RALGPS2: variants seen among roughly 807,000 people sequenced by gnomAD.
RALGPS2 encodes ras-specific guanine nucleotide-releasing factor RalGPS2.
A neutral mutation model predicts 86.8 loss-of-function variants in RALGPS2; 43 were observed. That is an observed-to-expected ratio of 0.50 (90% CI 0.39 to 0.64). The LOEUF (loss-of-function observed/expected upper bound fraction) is 0.64, where lower values mean the gene tolerates loss of function less well. Ranked by LOEUF, RALGPS2 falls within the 30% of genes least tolerant of loss-of-function variation. RALGPS2 has a pLI of 0.00. For synonymous variants in RALGPS2, 243 were observed against 231.3 expected, an observed-to-expected ratio of 1.05 and a Z score of -0.46; for missense variants, 536 against 694.6, an observed-to-expected ratio of 0.77 and a Z score of 2.57.
At chr1:178,783,416 A>C (rs1653491202) in intron 2 of RALGPS2, among the ~76,000 whole-genome samples, 1 of 152,228 alleles carries the variant, frequency 6.6e-6, no homozygotes, top group Admixed American at 6.5e-5. Flanking sequence ...GAACACCAGA[A>C]AGACAAGAGA....
intron 1 of RALGPS2, among the ~76,000 whole-genome samples, chr1:178,731,272 G>GTTTTCTTTTTTTTTTTTTTTT: frequency 1.7e-5 from 1 of 57,946 alleles, no homozygotes; most frequent in Non-Finnish European, 3.0e-5. Context: ...AGTTGTTTTG[G>GTTTTCTTTTTTTTTTTTTTTT]TTTTTTTTTT....
At chr1:178,740,611 A>G (rs1488162707) in intron 1 of RALGPS2, among the ~76,000 whole-genome samples, 1 of 152,234 alleles carries the variant, frequency 6.6e-6, no homozygotes, top group African/African-American at 2.4e-5. Flanking sequence ...TTTGGTAACT[A>G]TAAAAGAGTA....
chr1:178,849,121 G>A (rs1289179722), intron 8 of RALGPS2, among the ~76,000 whole-genome samples: 1 of 152,104 alleles, frequency 6.6e-6, no homozygotes, highest in Non-Finnish European at 1.5e-5. Context: ...AAAACCACGA[G>A]CTAGATATTC....
In RALGPS2 at chr1:178,892,131, A is replaced by G. The variant is rs1659737695; in HGVS notation, c.1248-99A>G. ...ATCCTTTTGTAAGATTTAGAAAGCT[A>G]TATTACAAGAAGAAACTATTATACT... On this transcript the variant is annotated intron_variant, in intron 14 of 19. Transcript: ENST00000367635. 4 of 1,048,906 alleles carry G rather than the reference A, an allele frequency of 3.8e-6. No individual in the cohort carries two copies. The East Asian group carries it at 7.8e-5, about 20-fold the overall frequency. The allele number at this position is 1,048,906 out of a possible 1,614,324, so 65.0% of individuals were successfully genotyped here.
At chr1:178,740,612 T>C (rs12131521) in intron 1 of RALGPS2, among the ~76,000 whole-genome samples, 6,134 of 152,256 alleles carry the variant, frequency 0.04, 147 homozygotes, top group Non-Finnish European at 0.057. Context: ...TTGGTAACTA[T>C]AAAAGAGTAG....
intron 1 of RALGPS2, chr1:178,746,903 C>G: frequency 8.9e-7 from 1 of 1,122,570 alleles, no homozygotes; most frequent in Non-Finnish European, 1.4e-6. Context: ...TATTCTGTTC[C>G]TATTGTATTT....
chr1:178,823,395 C>A (rs1229256789), intron 7 of RALGPS2, among the ~76,000 whole-genome samples: 24 of 152,082 alleles, frequency 1.6e-4, no homozygotes, highest in African/African-American at 5.8e-4. Context: ...TAACATTCTG[C>A]TGGGGAAGAA....
Position 178,834,682 on chromosome 1 carries a change from T to C in RALGPS2, c.607+1132T>C, listed in dbSNP as rs560962906. Among the ~76,000 whole-genome samples, 3 of 152,362 alleles carry C rather than the reference T, an allele frequency of 2.0e-5. No homozygotes were observed. In the South Asian group the frequency reaches 6.2e-4, roughly 32 times the overall value. On this transcript the variant is annotated intron_variant, in intron 8 of 19. Coordinates refer to ENST00000367635, the MANE Select transcript of RALGPS2 (RefSeq NM_152663.5). ...AAACAGCTTAGGATCATAGTAAGCA[T>C]GACTCTTATCAGAGAGGCTCTAAGC...
intron 2 of RALGPS2, among the ~76,000 whole-genome samples, chr1:178,778,733 T>C (rs1446959836): frequency 6.8e-6 from 1 of 147,810 alleles, no homozygotes; most frequent in Non-Finnish European, 1.5e-5. Flanking sequence ...GATGAGTTCA[T>C]GTCCTTTGTA....
intron 14 of RALGPS2, among the ~76,000 whole-genome samples, chr1:178,891,742 A>G (rs1659718704): frequency 6.6e-6 from 1 of 152,036 alleles, no homozygotes; most frequent in East Asian, 1.9e-4. Flanking sequence ...TTTACTATAA[A>G]GGATAAAGAG....
chr1:178,733,915 C>T (rs778875925), intron 1 of RALGPS2, among the ~76,000 whole-genome samples: 6 of 152,088 alleles, frequency 3.9e-5, no homozygotes, highest in Non-Finnish European at 8.8e-5. Context: ...CAAAGGATGC[C>T]ATCAAGAATG....
chr1:178,856,194 G>GATATATATATATATATATATAT (rs776840814), intron 8 of RALGPS2, among the ~76,000 whole-genome samples: 16 of 99,168 alleles, frequency 1.6e-4, no homozygotes, highest in Admixed American at 2.3e-4. Flanking sequence ...CTTTTCCAGA[G>GATATATATATATATATATATAT]AGAGAGAGAT....
chr1:178,747,262 G>T (rs1328899631), intron 1 of RALGPS2: 1 of 1,507,706 alleles, frequency 6.6e-7, no homozygotes, highest in Non-Finnish European at 9.2e-7. Flanking sequence ...CTTTAAACAA[G>T]AAATTGAGAA....
chr1:178,833,541 CCCTATTT>C lies in RALGPS2; in HGVS notation c.599_605del (p.Pro200GlnfsTer8). 1 of 1,530,664 alleles carries C rather than the reference CCCTATTT, an allele frequency of 6.5e-7. No homozygotes were observed. The highest frequency in any genetic ancestry group is 8.7e-7 in the Non-Finnish European group (1 of 1,150,638). 94.8% of individuals were successfully genotyped at this position (1,530,664 alleles called of 1,614,324 possible). A position where few individuals can be genotyped will look rare whatever the true frequency, so the allele number is the denominator to read the frequency against. ...TAGCTTAAAGATGACACCTTGCATT[CCCTATTT>C]AGGTGAGTTATGTCACTGTGTGTTT... On this transcript the variant is annotated frameshift_variant and splice_region_variant, in exon 8 of 20. Coordinates refer to ENST00000367635, the MANE Select transcript of RALGPS2 (RefSeq NM_152663.5). LOFTEE classifies it high-confidence loss of function.
chr1:178,826,107 T>G (rs537566713), intron 7 of RALGPS2, among the ~76,000 whole-genome samples: 3 of 152,218 alleles, frequency 2.0e-5, no homozygotes, highest in Admixed American at 6.5e-5. Flanking sequence ...GGGATGGTTT[T>G]GTTTTGTTTT....
intron 19 of RALGPS2, among the ~76,000 whole-genome samples, chr1:178,912,599 T>C (rs1053730438): frequency 1.3e-5 from 2 of 152,134 alleles, no homozygotes; most frequent in Admixed American, 1.3e-4. Flanking sequence ...TTTCTCAAGC[T>C]CCATTTAAGA....
intron 8 of RALGPS2, chr1:178,870,604 CTT>C (rs1238118202): frequency 6.6e-6 from 1 of 151,954 alleles, no homozygotes; most frequent in African/African-American, 2.4e-5. Context: ...AAGATAAAAC[CTT>C]TTTCAGATGA....
chr1:178,736,910 G>A (rs1018732852), intron 1 of RALGPS2, among the ~76,000 whole-genome samples: 2 of 152,010 alleles, frequency 1.3e-5, no homozygotes, highest in Non-Finnish European at 2.9e-5. Flanking sequence ...AAAACAAAAA[G>A]CATATGAAGA....
chr1:178,909,924 C>T (rs1272119245), intron 19 of RALGPS2, among the ~76,000 whole-genome samples: 1 of 152,140 alleles, frequency 6.6e-6, no homozygotes, highest in African/African-American at 2.4e-5. Context: ...GCTGGGATTA[C>T]AGGCGTGAGC....
Sources: allele counts gnomAD v4.1 joint callset (sites outside exome capture counted in the v4.1 genomes callset), GRCh38; gene constraint gnomAD v4.1.1; transcripts MANE v1.5; gene names NCBI Gene and HGNC (gene_info 2026-07-23, HGNC 2026-07-21).